IQCE: variants seen among roughly 807,000 people sequenced by gnomAD.
IQCE encodes the protein IQ motif containing E.
Under a neutral mutation model 96.0 loss-of-function variants are expected in IQCE, and 115 were observed. That is an observed-to-expected ratio of 1.20 (90% CI 1.03 to 1.40). The LOEUF (loss-of-function observed/expected upper bound fraction) is 1.40. Ranked by LOEUF, IQCE falls within the 40% of genes most tolerant of loss-of-function variation. IQCE has a pLI of 0.00. For synonymous variants in IQCE, 412 were observed against 371.2 expected, an observed-to-expected ratio of 1.11 and a Z score of -1.26; for missense variants, 1,041 against 909.1, an observed-to-expected ratio of 1.15 and a Z score of -1.87.
intron 15 of IQCE, 77 bp from the exon 16 acceptor site, chr7:2,594,809 C>T (rs945511509): frequency 3.6e-5 from 38 of 1,046,974 alleles, no homozygotes; most frequent in Admixed American, 2.0e-4. Flanking sequence ...CTGGACCGCC[C>T]GCCCCACCCT....
At chr7:2,596,648 C>T (rs1011854825) in intron 16 of IQCE, among the ~76,000 whole-genome samples, 7 of 152,162 alleles carry the variant, frequency 4.6e-5, no homozygotes, top group Middle Eastern at 3.4e-3. Flanking sequence ...AATTTATAAG[C>T]GTGTGAAAAT....
At position 2,559,112 on chromosome 7, in the gene IQCE, T is replaced by A. The variant is rs567576639; in HGVS notation, c.-70T>A. ...CCCCGAGGCTGCGGGCGGCCAGGGCTGCCCGCGGATTCCCAGACCCGGACG... is the reference window on the plus strand; with the variant it reads ...CCCCGAGGCTGCGGGCGGCCAGGGCAGCCCGCGGATTCCCAGACCCGGACG... On this transcript the variant is annotated 5_prime_UTR_variant, in exon 1 of 22. Transcript: ENST00000402050. The A allele has an allele frequency of 4.0e-5, 38 of 955,208 alleles. No individual in the cohort carries two copies. In the African/African-American group the frequency reaches 5.7e-4, roughly 14 times the overall value. The allele number at this position is 955,208 out of a possible 1,614,324, so 59.2% of individuals were successfully genotyped here.
intron 15 of IQCE, among the ~76,000 whole-genome samples, chr7:2,593,691 C>G (rs1299779367): frequency 6.6e-6 from 1 of 152,220 alleles, no homozygotes; most frequent in Non-Finnish European, 1.5e-5. Context: ...CGGGCGGACC[C>G]ACGTGACAAG....
At chr7:2,573,874 C>T (rs1781936027) in intron 6 of IQCE, among the ~76,000 whole-genome samples, 1 of 152,172 alleles carries the variant, frequency 6.6e-6, no homozygotes, top group Admixed American at 6.5e-5. Context: ...ATCTCACATG[C>T]CCTGTCTCAG....
chr7:2,596,668 T>C (rs1784064742), intron 16 of IQCE, among the ~76,000 whole-genome samples: 1 of 152,220 alleles, frequency 6.6e-6, no homozygotes, highest in African/African-American at 2.4e-5. Flanking sequence ...TTTAGACTTT[T>C]TTAGCTGTCT....
Position 2,610,346 on chromosome 7 carries a change from CTG to C in IQCE, c.*185_*186del, listed in dbSNP as rs878962382. On this transcript the variant is annotated 3_prime_UTR_variant, in exon 22 of 22. Coordinates refer to ENST00000402050, the MANE Select transcript of IQCE (RefSeq NM_152558.5). ...GACCCAAATGCCTTTACTTTATTCT[CTG>C]GGGAGGGCCAGCGGCTCGCATCCCC... 2 of 553,836 alleles carry C rather than the reference CTG, an allele frequency of 3.6e-6. No homozygotes were observed. Among genetic ancestry groups the C allele is most frequent in the South Asian group, 4.3e-5 (2 of 46,272 alleles). 34.3% of individuals were successfully genotyped at this position (553,836 alleles called of 1,614,324 possible). A position where few individuals can be genotyped will look rare whatever the true frequency, so the allele number is the denominator to read the frequency against.
intron 14 of IQCE, 80 bp from the exon 15 acceptor site, chr7:2,592,942 C>T (rs1280647717): frequency 1.4e-6 from 2 of 1,470,288 alleles, no homozygotes; most frequent in Non-Finnish European, 1.8e-6. Context: ...TGAGCACTGT[C>T]ATTTTCTGAA....
chr7:2,604,878 C>T lies in IQCE; in HGVS notation c.1633-3C>T, dbSNP rs769655207. 17 of 1,611,374 alleles carry T rather than the reference C, an allele frequency of 1.1e-5. No individual in the cohort carries two copies. In the East Asian group the frequency reaches 1.1e-4, roughly 11 times the overall value. Reference sequence around the variant, plus strand: ...TTTCTCTCCCTGCTTCCTTCCCTGACAGGCGGCTGTGGTGCTTCAGGCAGC... The same window carrying T: ...TTTCTCTCCCTGCTTCCTTCCCTGATAGGCGGCTGTGGTGCTTCAGGCAGC... On this transcript the variant is annotated splice_polypyrimidine_tract_variant and splice_region_variant and intron_variant, in intron 18 of 21. Transcript: ENST00000402050.
chr7:2,583,689 A>G lies in IQCE; in HGVS notation c.754A>G (p.Met252Val). 6.5e-7 allele frequency: 1 copy of G among 1,527,568 alleles called. No homozygotes were observed. Among genetic ancestry groups the G allele is most frequent in the Non-Finnish European group, 8.9e-7 (1 of 1,126,348 alleles). 94.6% of individuals were successfully genotyped at this position (1,527,568 alleles called of 1,614,324 possible). A position where few individuals can be genotyped will look rare whatever the true frequency, so the allele number is the denominator to read the frequency against. Residue 252 changes from methionine to valine, a missense_variant, in exon 10 of 22, where the codon ATG (methionine) becomes GTG (valine). Transcript: ENST00000402050. ...TTNLEEMRIAMETYYEEVHRL... is the reference protein window; with the variant it reads ...TTNLEEMRIAVETYYEEVHRL... ...CAACCTGGAAGAGATGCGGATCGCC[A>G]TGGAGACATACTACGAGGAGGTGCG...
intron 1 of IQCE, among the ~76,000 whole-genome samples, chr7:2,559,693 G>A (rs1780776088): frequency 7.0e-6 from 1 of 143,706 alleles, no homozygotes; most frequent in Non-Finnish European, 1.5e-5. Context: ...GGGTGCATGA[G>A]CCTTAGGTTA....
chr7:2,593,387 AGCTGTCACACTG>A (rs1466876520), intron 15 of IQCE, among the ~76,000 whole-genome samples: 15 of 152,218 alleles, frequency 9.9e-5, no homozygotes, highest in Admixed American at 9.8e-4. Flanking sequence ...CTTCCCAACC[AGCTGTCACACTG>A]GCCTCTGGTC....
At chr7:2,563,845 G>T (rs1781157065) in intron 1 of IQCE, among the ~76,000 whole-genome samples, 2 of 134,978 alleles carry the variant, frequency 1.5e-5, no homozygotes, top group Admixed American at 1.6e-4. Flanking sequence ...AGTGAGCCGA[G>T]ATTGCGCCAC....
At chr7:2,600,318 G>C (rs113495475) in intron 17 of IQCE, among the ~76,000 whole-genome samples, 1 of 152,190 alleles carries the variant, frequency 6.6e-6, no homozygotes, top group Non-Finnish European at 1.5e-5. Context: ...CCCTCGGGAC[G>C]TGGATGGACC....
chr7:2,585,387 T>A (rs561788044), intron 11 of IQCE, among the ~76,000 whole-genome samples: 35 of 152,382 alleles, frequency 2.3e-4, no homozygotes, highest in African/African-American at 7.9e-4. Flanking sequence ...GGCTAACATG[T>A]GTCTCTGTTT....
Position 2,586,361 on chromosome 7 carries a change from C to T in IQCE, c.978C>T (p.Ser326=). 1 of 1,612,036 alleles carries T rather than the reference C, an allele frequency of 6.2e-7. No homozygotes were observed. The highest frequency in any genetic ancestry group is 8.5e-7 in the Non-Finnish European group (1 of 1,179,468). Residue 326 remains serine, a synonymous_variant, in exon 12 of 22, where the codon TCC becomes TCT. Coordinates refer to ENST00000402050, the MANE Select transcript of IQCE (RefSeq NM_152558.5). ...TGCTGAGCACCTCCCCAACCATCTC[C>T]AAGACACAGGGTACCTTCCTGAAAG... ...DRVLSTSPTI[S]KTQGYVEWSK...
At chr7:2,573,626 C>T (rs1460131765) in intron 6 of IQCE, 138 bp downstream of exon 6, 7 of 545,778 alleles carry the variant, frequency 1.3e-5, no homozygotes, top group African/African-American at 6.0e-5. Flanking sequence ...GAGTTTGAGC[C>T]GTGGCGTAGT....
chr7:2,587,795 G>C (rs751367407), intron 12 of IQCE, 27 bp from the exon 13 acceptor site: 1 of 1,613,312 alleles, frequency 6.2e-7, no homozygotes, highest in Admixed American at 1.7e-5. Flanking sequence ...CCAGGATGCC[G>C]TTTTGAAACC....
intron 19 of IQCE, among the ~76,000 whole-genome samples, chr7:2,605,222 CG>C (rs1784717015): frequency 6.6e-6 from 1 of 152,222 alleles, no homozygotes; most frequent in Admixed American, 6.5e-5. Flanking sequence ...GTTAAGCTGC[CG>C]GAGAGTCAAG....
chr7:2,594,410 A>C (rs1783856743), intron 15 of IQCE, among the ~76,000 whole-genome samples: 2 of 152,192 alleles, frequency 1.3e-5, no homozygotes, highest in South Asian at 2.1e-4. Context: ...TGAATATCTA[A>C]ATTGCAATGC....
Sources: allele counts gnomAD v4.1 joint callset (sites outside exome capture counted in the v4.1 genomes callset), GRCh38; gene constraint gnomAD v4.1.1; transcripts MANE v1.5; gene names NCBI Gene and HGNC (gene_info 2026-07-23, HGNC 2026-07-21).